The following NUP58 variants were observed in gnomAD, a reference collection of about 807,000 sequenced individuals.
NUP58 encodes nucleoporin p58/p45.
NUP58 carries 17 observed loss-of-function variants against 70.1 expected under a neutral mutation model. That is an observed-to-expected ratio of 0.24 (90% CI 0.17 to 0.36). NUP58 has a LOEUF of 0.36. Ranked by LOEUF, NUP58 falls within the 10% of genes least tolerant of loss-of-function variation. The pLI is 1.00. For missense variants in NUP58, 644 were observed against 701.5 expected, an observed-to-expected ratio of 0.92 and a Z score of 0.93; for synonymous variants, 275 against 257.6, an observed-to-expected ratio of 1.07 and a Z score of -0.65.
chr13:25,331,437 A>G lies in NUP58; in HGVS notation c.1314A>G (p.Glu438=). The change falls in exon 13 of 16, where the codon GAA becomes GAG. Residue 438 remains glutamate (E), a synonymous_variant. Coordinates refer to ENST00000381736, the MANE Select transcript of NUP58 (RefSeq NM_014089.4). ...ATGTGTTTGAAACAAGGCGAGCAGA[A>G]GCCAAGAAGTGGCAGAACACACCCA... The part of the protein sequence containing the change: ...AVDVFETRRA[E]AKKWQNTPRV... The G allele has an allele frequency of 6.2e-7, 1 of 1,614,184 alleles. No individual in the cohort carries two copies. The highest frequency in any genetic ancestry group is 8.5e-7 in the Non-Finnish European group (1 of 1,179,998).
chr13:25,315,318 G>A (rs766511432), intron 5 of NUP58, 39 bp from the exon 6 acceptor site: 1 of 1,421,966 alleles, frequency 7.0e-7, no homozygotes. Context: ...AATTGTTGTA[G>A]TCTTTTGATG....
chr13:25,312,910 C>T lies in NUP58; in HGVS notation c.314C>T (p.Thr105Ile), dbSNP rs2030742419. The change falls in exon 4 of 16, where the codon ACA (threonine) becomes ATA (isoleucine). Residue 105 changes from threonine to isoleucine, a missense_variant. Physicochemically the swap from Thr to Ile is moderately conservative, Grantham distance 89 (BLOSUM62 -1). Transcript: ENST00000381736. ...LGTPATTSAATTGFSLGFNKP... is the reference protein window; with the variant it reads ...LGTPATTSAAITGFSLGFNKP... Reference sequence around the variant, plus strand: ...ACGCCAGCCACTACATCTGCAGCTACAACAGGCTTCAGTTTAGGATTCAAT... The same window carrying T: ...ACGCCAGCCACTACATCTGCAGCTATAACAGGCTTCAGTTTAGGATTCAAT... 3.7e-6 allele frequency: 6 copies of T among 1,613,270 alleles called. No homozygotes were observed. The highest frequency in any genetic ancestry group is 5.1e-6 in the Non-Finnish European group (6 of 1,179,664).
rs1466535112 is a variant in NUP58 at position 25,312,888 on chromosome 13, C to T, written c.292C>T (p.Pro98Ser). The T allele has an allele frequency of 1.2e-6, 2 of 1,606,702 alleles. No individual in the cohort carries two copies. The highest frequency in any genetic ancestry group is 1.7e-6 in the Non-Finnish European group (2 of 1,176,412). The change falls in exon 4 of 16, where the codon CCA becomes TCA. Residue 98 changes from proline to serine, a missense_variant. Physicochemically the swap from Pro to Ser is moderately conservative, Grantham distance 74. Coordinates refer to ENST00000381736, the MANE Select transcript of NUP58 (RefSeq NM_014089.4). Reference sequence around the variant, plus strand: ...TCATTTATTTATTTAAATAGGAACGCCAGCCACTACATCTGCAGCTACAAC... The same window carrying T: ...TCATTTATTTATTTAAATAGGAACGTCAGCCACTACATCTGCAGCTACAAC... ...TITTGLTLGT[P>S]ATTSAATTGF...
chr13:25,339,247 T>C (rs2031883122), intron 15 of NUP58, among the ~76,000 whole-genome samples: 1 of 152,064 alleles, frequency 6.6e-6, no homozygotes, highest in South Asian at 2.1e-4. Context: ...TTTGCATTTA[T>C]ATTGGTAAAT....
chr13:25,309,566 C>A, intron 3 of NUP58: 1 of 317,072 alleles, frequency 3.2e-6, no homozygotes. Context: ...TCATTTGACT[C>A]CAGTTAGTGG....
At chr13:25,312,394 TCTCA>T (rs754448144) in intron 3 of NUP58, among the ~76,000 whole-genome samples, 1 of 152,110 alleles carries the variant, frequency 6.6e-6, no homozygotes, top group Non-Finnish European at 1.5e-5. Flanking sequence ...TGAGACAGAG[TCTCA>T]CTCTTGTCTC....
intron 2 of NUP58, 114 bp from the exon 3 acceptor site, chr13:25,309,129 CTAAT>C: frequency 4.1e-6 from 3 of 733,262 alleles, no homozygotes; most frequent in Non-Finnish European, 7.2e-6. Flanking sequence ...ATGTATTGTT[CTAAT>C]TAGAAGTGTT....
downstream of NUP58, among the ~76,000 whole-genome samples, chr13:25,344,524 G>C (rs1331268279): frequency 6.6e-6 from 1 of 152,004 alleles, no homozygotes; most frequent in East Asian, 1.9e-4. Flanking sequence ...TAGCCTTTTT[G>C]TTTGTTTTTG....
rs1593198516 is a variant in NUP58 at position 25,333,307 on chromosome 13, C to T, written c.1435+1749C>T. 6 of 985,238 alleles carry T rather than the reference C, an allele frequency of 6.1e-6. No homozygotes were observed. The Admixed American group carries it at 3.7e-4, about 61-fold the overall frequency. The allele number at this position is 985,238 out of a possible 1,614,324, so 61.0% of individuals were successfully genotyped here. On this transcript the variant is annotated intron_variant, in intron 13 of 15. Transcript: ENST00000381736. ...GTAGACAATATAGATTTTGTCTTTG[C>T]CCTCTGTGGTGGTTGACAATGTTAG...
intron 7 of NUP58, 147 bp downstream of exon 7, chr13:25,319,497 T>C (rs1472736782): frequency 1.5e-6 from 1 of 655,938 alleles, no homozygotes; most frequent in Non-Finnish European, 2.7e-6. Flanking sequence ...AGTAAAATAA[T>C]AGACGTATGT....
chr13:25,336,911 C>CG, intron 13 of NUP58, 25 bp from the exon 14 acceptor site: 2 of 1,148,834 alleles, frequency 1.7e-6, no homozygotes, highest in South Asian at 2.8e-5. Context: ...TTTTCCCCCC[C>CG]ATTTTTTTTT....
intron 1 of NUP58, among the ~76,000 whole-genome samples, chr13:25,303,584 T>C (rs546037252): frequency 6.6e-6 from 1 of 152,278 alleles, no homozygotes; most frequent in South Asian, 2.1e-4. Flanking sequence ...CTTGCAAATA[T>C]CAAATGGTCT....
chr13:25,320,718 T>C (rs2031144641), intron 8 of NUP58, 123 bp downstream of exon 8: 1 of 771,528 alleles, frequency 1.3e-6, no homozygotes, highest in East Asian at 2.8e-5. Flanking sequence ...GGTTAAAATG[T>C]TAGTGCTTTT....
At position 25,347,981 on chromosome 13, in the gene NUP58, T is replaced by C. The variant is rs566427520; in HGVS notation, n.322-1581T>C. On this transcript the variant is annotated intron_variant and non_coding_transcript_variant, in intron 3 of 3. Coordinates refer to the NUP58 transcript ENST00000477876. ...TTTTTAAATCCTGATAATAAACATA[T>C]TTTGTGGATATCTATTATAATCCAA... 5.3e-5 allele frequency among the ~76,000 whole-genome samples: 8 copies of C among 152,340 alleles called. No individual in the cohort carries two copies. In the South Asian group the frequency reaches 1.7e-3, roughly 32 times the overall value.
Position 25,341,844 on chromosome 13 carries a change from T to C in NUP58, c.*1710T>C, listed in dbSNP as rs1241579966. 2 of 152,654 alleles carry C rather than the reference T, an allele frequency of 1.3e-5. No homozygotes were observed. Among genetic ancestry groups the C allele is most frequent in the Non-Finnish European group, 2.9e-5 (2 of 68,044 alleles). The allele number at this position is 152,654 out of a possible 1,614,324, so 9.5% of individuals were successfully genotyped here. ...TTTGTATATAATGTGTGTCAGTGAC[T>C]ATTTTCAAAATCATTTTCATCAAGA... On this transcript the variant is annotated 3_prime_UTR_variant, in exon 16 of 16. Transcript: ENST00000381736.
downstream of NUP58, among the ~76,000 whole-genome samples, chr13:25,347,019 A>G (rs2032058462): frequency 6.6e-6 from 1 of 152,192 alleles, no homozygotes; most frequent in Non-Finnish European, 1.5e-5. Context: ...ACATAATGAC[A>G]TCTTGGGGAT....
chr13:25,308,445 C>T (rs1439696646), intron 2 of NUP58, among the ~76,000 whole-genome samples: 2 of 151,070 alleles, frequency 1.3e-5, no homozygotes, highest in Non-Finnish European at 2.9e-5. Flanking sequence ...TGGGACCACA[C>T]GTGTGCACCA....
At chr13:25,308,424 T>C (rs1682574543) in intron 2 of NUP58, among the ~76,000 whole-genome samples, 1 of 151,600 alleles carries the variant, frequency 6.6e-6, no homozygotes, top group Admixed American at 6.6e-5. Context: ...CACCTCAGCC[T>C]CCTGAGTAGA....
rs1181131409 is a variant in NUP58, at chr13:25,348,322, A to G, written n.322-1240A>G. ...TCTTTAGGTATAAAATTCACACTGG[A>G]TTTTGAAGACAGTATGAAAAATGCC... is the stretch of plus-strand genomic sequence containing the variant. On this transcript the variant is annotated intron_variant and non_coding_transcript_variant, in intron 3 of 3. Transcript: ENST00000477876. Among the ~76,000 whole-genome samples the G allele has an allele frequency of 2.0e-5, 3 of 152,212 alleles. No individual in the cohort carries two copies. The South Asian group carries it at 6.2e-4, about 32-fold the overall frequency.
Sources: allele counts gnomAD v4.1 joint callset (sites outside exome capture counted in the v4.1 genomes callset), GRCh38; gene constraint gnomAD v4.1.1; transcripts MANE v1.5; gene names NCBI Gene and HGNC (gene_info 2026-07-23, HGNC 2026-07-21).